The following MARCOL variants were observed in gnomAD, a reference collection of about 807,000 sequenced individuals.
MARCOL encodes the protein MARCO like.
chr5:148,239,205 AACTT>A (rs1362726193), intron 1 of MARCOL, among the ~76,000 whole-genome samples: 2 of 151,980 alleles, frequency 1.3e-5, no homozygotes, highest in African/African-American at 2.4e-5. Flanking sequence ...CTTGACTCTC[AACTT>A]ACTTTTCTCT....
intron 1 of MARCOL, among the ~76,000 whole-genome samples, chr5:148,240,421 C>T (rs1755951224): frequency 6.6e-6 from 1 of 151,420 alleles, no homozygotes; most frequent in South Asian, 2.1e-4. Context: ...TTCACAAAAA[C>T]CTGTAAATGT....
intron 1 of MARCOL, among the ~76,000 whole-genome samples, chr5:148,241,657 T>C (rs1755967634): frequency 6.6e-6 from 1 of 151,922 alleles, no homozygotes; most frequent in Non-Finnish European, 1.5e-5. Context: ...TGAAAAAACA[T>C]AAAACATATA....
chr5:148,242,556 G>C lies in MARCOL; in HGVS notation c.160G>C (p.Asp54His). The C allele has an allele frequency of 2.5e-6, 1 of 398,322 alleles. No homozygotes were observed. Among genetic ancestry groups the C allele is most frequent in the Non-Finnish European group, 4.4e-6 (1 of 225,914 alleles). The allele number at this position is 398,322 out of a possible 1,614,324, so 24.7% of individuals were successfully genotyped here. The change falls in exon 2 of 2, where the codon GAT becomes CAT. Residue 54 changes from aspartate (D) to histidine (H), a missense_variant. Asp to His is a moderately conservative substitution (Grantham distance 81, BLOSUM62 -1). Coordinates refer to ENST00000638089, the MANE Select transcript of MARCOL (RefSeq NM_001363511.2). ...NEANHLGGQRDSNKQGGSYTQ... is the reference protein window; with the variant it reads ...NEANHLGGQRHSNKQGGSYTQ... Reference sequence around the variant, plus strand: ...AGCTAACCATCTAGGAGGACAAAGAGATTCTAATAAGCAAGGAGGTAGTTA... The same window carrying C: ...AGCTAACCATCTAGGAGGACAAAGACATTCTAATAAGCAAGGAGGTAGTTA...
In MARCOL at chr5:148,243,550, G is replaced by A. The variant is rs940600101; in HGVS notation, c.*296G>A. 3.2e-6 allele frequency: 1 copy of A among 314,518 alleles called. No homozygotes were observed. The highest frequency in any genetic ancestry group is 2.1e-5 in the African/African-American group (1 of 47,040). 19.5% of individuals were successfully genotyped at this position (314,518 alleles called of 1,614,324 possible). On this transcript the variant is annotated 3_prime_UTR_variant, in exon 2 of 2. Transcript: ENST00000638089. ...CCATCTAGCCATCAGAGAAAATTAA[G>A]GTCATTTTACAACCAACGACAAAGA...
chr5:148,240,178 T>C (rs1008666726), intron 1 of MARCOL, among the ~76,000 whole-genome samples: 2 of 151,912 alleles, frequency 1.3e-5, no homozygotes, highest in Non-Finnish European at 2.9e-5. Flanking sequence ...TACCTGTTTA[T>C]TACTAGAACA....
rs1561742553 is a variant in MARCOL, at chr5:148,243,225, G to A, written c.829G>A (p.Gly277Ser). The change falls in exon 2 of 2, where the codon GGT (glycine) becomes AGT (serine). Residue 277 changes from glycine to serine, a missense_variant. Coordinates refer to ENST00000638089, the MANE Select transcript of MARCOL (RefSeq NM_001363511.2). ...ACCTTCTAGCAAACAGAGGAAGCCA[G>A]GTTCATCCAGCCGTCAAGGAAATCT... ...QGPSSKQRKP[G>S]SSSRQGNL 5.0e-6 allele frequency: 2 copies of A among 399,058 alleles called. No individual in the cohort carries two copies. 24.7% of individuals were successfully genotyped at this position (399,058 alleles called of 1,614,324 possible). A position where few individuals can be genotyped will look rare whatever the true frequency, so the allele number is the denominator to read the frequency against.
At position 148,243,424 on chromosome 5, in the gene MARCOL, A is replaced by G. The variant is rs10463404; in HGVS notation, c.*170A>G. On this transcript the variant is annotated 3_prime_UTR_variant, in exon 2 of 2. Coordinates refer to ENST00000638089, the MANE Select transcript of MARCOL (RefSeq NM_001363511.2). ...CAACAAGGGAAGCCAGGGGCATCTA[A>G]CCAGCAAGGAGATCTAGGATCTTCT... 0.85 allele frequency: 334,652 copies of G among 392,976 alleles called. 147,116 individuals are homozygous for G. Among genetic ancestry groups the G allele is most frequent in the Middle Eastern group, 0.93 (1,441 of 1,548 alleles). The allele number at this position is 392,976 out of a possible 1,614,324, so 24.3% of individuals were successfully genotyped here. A position where few individuals can be genotyped will look rare whatever the true frequency, so the allele number is the denominator to read the frequency against.
intron 1 of MARCOL, among the ~76,000 whole-genome samples, chr5:148,239,040 T>C (rs76267155): frequency 6.6e-6 from 1 of 152,100 alleles, no homozygotes; most frequent in African/African-American, 2.4e-5. Context: ...TTGATGTTTT[T>C]TTCCCATTCA....
chr5:148,239,220 A>T (rs1581152857), intron 1 of MARCOL, among the ~76,000 whole-genome samples: 1 of 151,948 alleles, frequency 6.6e-6, no homozygotes, highest in Non-Finnish European at 1.5e-5. Context: ...ACTTTTCTCT[A>T]TTCCTTACCT....
In MARCOL at chr5:148,243,213, CAG is replaced by C. The variant is rs1173541542; in HGVS notation, c.820_821del (p.Arg274GlufsTer15). 1.0e-5 allele frequency: 4 copies of C among 398,834 alleles called. No individual in the cohort carries two copies. Among genetic ancestry groups the C allele is most frequent in the Admixed American group, 4.4e-5 (1 of 22,688 alleles). 24.7% of individuals were successfully genotyped at this position (398,834 alleles called of 1,614,324 possible). A position where few individuals can be genotyped will look rare whatever the true frequency, so the allele number is the denominator to read the frequency against. On this transcript the variant is annotated frameshift_variant, in exon 2 of 2. Coordinates refer to ENST00000638089, the MANE Select transcript of MARCOL (RefSeq NM_001363511.2). LOFTEE classifies it low-confidence loss of function (END_TRUNC). ...AGGGAATCAAGGACCTTCTAGCAAA[CAG>C]AGGAAGCCAGGTTCATCCAGCCGTC... The part of the protein sequence containing the change: ...QQGNQGPSSK[Q>X]RKPGSSSRQG...
chr5:148,242,035 C>A (rs1364509791), intron 1 of MARCOL, among the ~76,000 whole-genome samples: 1 of 152,058 alleles, frequency 6.6e-6, no homozygotes, highest in Non-Finnish European at 1.5e-5. Flanking sequence ...AAGTTGATGG[C>A]GTTATCCGTA....
At chr5:148,238,810 A>G (rs999625795) in intron 1 of MARCOL, among the ~76,000 whole-genome samples, 164 bp downstream of exon 1, 3 of 151,946 alleles carry the variant, frequency 2.0e-5, no homozygotes, top group Non-Finnish European at 2.9e-5. Context: ...GTAGATCTGG[A>G]GTCATAAAAA....
In MARCOL at chr5:148,243,285, C is replaced by T; in HGVS notation, c.*31C>T. On this transcript the variant is annotated 3_prime_UTR_variant, in exon 2 of 2. Transcript: ENST00000638089. ...TAGCCAGCAAGGGAATATAGGATCTCCTAGCCAACAGGAGAAGCCAGAGTC... is the reference window on the plus strand; with the variant it reads ...TAGCCAGCAAGGGAATATAGGATCTTCTAGCCAACAGGAGAAGCCAGAGTC... 2.5e-6 allele frequency: 1 copy of T among 396,356 alleles called. No individual in the cohort carries two copies. The allele number at this position is 396,356 out of a possible 1,614,324, so 24.6% of individuals were successfully genotyped here.
chr5:148,242,750 T>C lies in MARCOL; in HGVS notation c.354T>C (p.Asn118=). The change falls in exon 2 of 2, where the codon AAT becomes AAC. Residue 118 remains asparagine (N), a synonymous_variant. Coordinates refer to ENST00000638089, the MANE Select transcript of MARCOL (RefSeq NM_001363511.2). ...SNQKGNPESS[N]KQENSGSSSQ... ...AAAAAGGGAATCCAGAATCTTCTAA[T>C]AAGCAGGAAAACTCAGGATCTTCTA... 1 of 398,456 alleles carries C rather than the reference T, an allele frequency of 2.5e-6. No individual in the cohort carries two copies. Among genetic ancestry groups the C allele is most frequent in the Non-Finnish European group, 4.4e-6 (1 of 225,986 alleles). The allele number at this position is 398,456 out of a possible 1,614,324, so 24.7% of individuals were successfully genotyped here.
chr5:148,239,361 C>T (rs1023692407), intron 1 of MARCOL, among the ~76,000 whole-genome samples: 3 of 151,570 alleles, frequency 2.0e-5, no homozygotes, highest in Non-Finnish European at 4.4e-5. Flanking sequence ...CTAATTTATC[C>T]CCAAATCATA....
At chr5:148,240,975 C>T (rs1219145738) in intron 1 of MARCOL, among the ~76,000 whole-genome samples, 1 of 152,000 alleles carries the variant, frequency 6.6e-6, no homozygotes, top group Non-Finnish European at 1.5e-5. Context: ...TGCCCCACTA[C>T]TAGACTTCTC....
At position 148,243,308 on chromosome 5, in the gene MARCOL, G is replaced by A; in HGVS notation, c.*54G>A. 2.5e-6 allele frequency: 1 copy of A among 396,912 alleles called. No homozygotes were observed. Among genetic ancestry groups the A allele is most frequent in the Non-Finnish European group, 4.4e-6 (1 of 225,270 alleles). The allele number at this position is 396,912 out of a possible 1,614,324, so 24.6% of individuals were successfully genotyped here. On this transcript the variant is annotated 3_prime_UTR_variant, in exon 2 of 2. Coordinates refer to ENST00000638089, the MANE Select transcript of MARCOL (RefSeq NM_001363511.2). ...CTCCTAGCCAACAGGAGAAGCCAGA[G>A]TCTTCTAGCCAACAAGGGAATCTAG...
chr5:148,240,146 T>C (rs890754197), intron 1 of MARCOL, among the ~76,000 whole-genome samples: 7 of 151,928 alleles, frequency 4.6e-5, no homozygotes, highest in Non-Finnish European at 1.0e-4. Flanking sequence ...ATTACTTACT[T>C]TAGCAAAAGA....
intron 1 of MARCOL, among the ~76,000 whole-genome samples, chr5:148,239,695 G>A (rs1424526108): frequency 1.3e-5 from 2 of 151,832 alleles, no homozygotes; most frequent in East Asian, 1.9e-4. Flanking sequence ...AGAACAATAC[G>A]TGTATGTGTG....
Sources: allele counts gnomAD v4.1 joint callset (sites outside exome capture counted in the v4.1 genomes callset), GRCh38; gene constraint gnomAD v4.1.1; transcripts MANE v1.5; gene names NCBI Gene and HGNC (gene_info 2026-07-23, HGNC 2026-07-21).